CACNB2: variants seen among roughly 807,000 people sequenced by gnomAD.
The protein encoded by CACNB2 is voltage-dependent L-type calcium channel subunit beta-2.
Under a neutral mutation model 73.3 loss-of-function variants are expected in CACNB2, and 42 were observed. The observed-to-expected ratio is 0.57, with a 90% CI of 0.45 to 0.74. The LOEUF (loss-of-function observed/expected upper bound fraction) is 0.74, where lower values mean the gene tolerates loss of function less well. Among genes scored for constraint, CACNB2 ranks in the 30% least tolerant of loss-of-function variants. The pLI is 0.00. For synonymous variants in CACNB2, 348 were observed against 310.3 expected, an observed-to-expected ratio of 1.12 and a Z score of -1.28; for missense variants, 940 against 853.0, an observed-to-expected ratio of 1.10 and a Z score of -1.27.
At chr10:18,167,923 C>T (rs1216572127) in intron 2 of CACNB2, among the ~76,000 whole-genome samples, 2 of 152,134 alleles carry the variant, frequency 1.3e-5, no homozygotes, top group Non-Finnish European at 2.9e-5. Context: ...GTAAGTTCCC[C>T]GAGGTCACCC....
At chr10:18,156,383 A>G (rs1305039164) in intron 2 of CACNB2, among the ~76,000 whole-genome samples, 3 of 152,254 alleles carry the variant, frequency 2.0e-5, no homozygotes, top group African/African-American at 7.2e-5. Context: ...GGCCCTTGAC[A>G]TTATCAACTT....
intron 2 of CACNB2, among the ~76,000 whole-genome samples, chr10:18,384,113 A>G (rs1449479223): frequency 1.3e-5 from 2 of 152,176 alleles, no homozygotes; most frequent in Non-Finnish European, 1.5e-5. Context: ...TCAGGGCCAA[A>G]GAGGCACCGT....
intron 2 of CACNB2, among the ~76,000 whole-genome samples, chr10:18,253,396 A>C (rs1277874935): frequency 6.6e-6 from 1 of 152,188 alleles, no homozygotes; most frequent in Non-Finnish European, 1.5e-5. Flanking sequence ...TCTAAAATCT[A>C]TCAGGAGTAT....
At chr10:18,295,864 T>C (rs997405446) in intron 2 of CACNB2, among the ~76,000 whole-genome samples, 3 of 152,128 alleles carry the variant, frequency 2.0e-5, no homozygotes, top group Admixed American at 6.6e-5. Context: ...CGATGAGACA[T>C]TGACTCATTT....
chr10:18,397,509 C>G (rs144198018), intron 2 of CACNB2, among the ~76,000 whole-genome samples: 274 of 151,366 alleles, frequency 1.8e-3, no homozygotes, highest in African/African-American at 6.4e-3. Context: ...CTTGTGTGAA[C>G]GTTAGACATA....
At chr10:18,236,223 C>T (rs1182481698) in intron 2 of CACNB2, among the ~76,000 whole-genome samples, 2 of 152,142 alleles carry the variant, frequency 1.3e-5, no homozygotes, top group African/African-American at 4.8e-5. Flanking sequence ...GGACCCCACA[C>T]CTGGCTGATG....
intron 2 of CACNB2, among the ~76,000 whole-genome samples, chr10:18,356,529 A>T (rs1286354709): frequency 6.6e-6 from 1 of 152,150 alleles, no homozygotes; most frequent in East Asian, 1.9e-4. Context: ...ACATTGCACA[A>T]AGGAGCTTCT....
intron 2 of CACNB2, among the ~76,000 whole-genome samples, chr10:18,183,947 G>T (rs1421673999): frequency 1.3e-5 from 2 of 152,180 alleles, no homozygotes; most frequent in Middle Eastern, 3.2e-3. Context: ...GAGCTCCGTT[G>T]CTCCTCTGTG....
chr10:18,285,480 G>A (rs187541448), intron 2 of CACNB2, among the ~76,000 whole-genome samples: 1 of 152,308 alleles, frequency 6.6e-6, no homozygotes, highest in African/African-American at 2.4e-5. Flanking sequence ...CATCATGGAT[G>A]TCCAGCTAAG....
At chr10:18,227,426 C>T (rs1292315323) in intron 2 of CACNB2, among the ~76,000 whole-genome samples, 1 of 152,018 alleles carries the variant, frequency 6.6e-6, no homozygotes, top group Non-Finnish European at 1.5e-5. Flanking sequence ...AATACCCCAG[C>T]TCGGAATGAA....
At chr10:18,481,175 A>G (rs1428909132) in intron 3 of CACNB2, among the ~76,000 whole-genome samples, 1 of 125,096 alleles carries the variant, frequency 8.0e-6, no homozygotes, top group African/African-American at 3.0e-5. Context: ...ACCAAAACTG[A>G]TAATATTACA....
At chr10:18,167,311 T>G in intron 2 of CACNB2, among the ~76,000 whole-genome samples, 2 of 150,610 alleles carry the variant, frequency 1.3e-5, no homozygotes, top group East Asian at 1.9e-4. Flanking sequence ...GGGGGAAGGG[T>G]GAGAGGGGAG....
chr10:18,284,937 A>G (rs548445029), intron 2 of CACNB2, among the ~76,000 whole-genome samples: 1 of 152,276 alleles, frequency 6.6e-6, no homozygotes, highest in East Asian at 1.9e-4. Flanking sequence ...TCCCATTTTT[A>G]CTTATCCAAG....
chr10:18,319,568 A>G (rs911444888), intron 2 of CACNB2, among the ~76,000 whole-genome samples: 1 of 152,164 alleles, frequency 6.6e-6, no homozygotes, highest in Non-Finnish European at 1.5e-5. Context: ...TACCTATGTA[A>G]CAAACGTGTA....
chr10:18,495,591 G>GTATA (rs1554830747), intron 3 of CACNB2, among the ~76,000 whole-genome samples: 2 of 138,630 alleles, frequency 1.4e-5, no homozygotes, highest in Admixed American at 7.2e-5. Flanking sequence ...GTGTGTGTGT[G>GTATA]TATAAGAGAT....
At chr10:18,362,447 CTTG>C (rs1332967617) in intron 2 of CACNB2, among the ~76,000 whole-genome samples, 1 of 152,050 alleles carries the variant, frequency 6.6e-6, no homozygotes, top group African/African-American at 2.4e-5. Context: ...CTGTTTCCTC[CTTG>C]TTTTTTTCCC....
chr10:18,260,927 C>A, intron 2 of CACNB2: 27 of 1,164,468 alleles, frequency 2.3e-5, no homozygotes, highest in Non-Finnish European at 2.7e-5. Context: ...CCAAGAAACT[C>A]TGACGATCTG....
intron 2 of CACNB2, among the ~76,000 whole-genome samples, chr10:18,396,524 G>A (rs1047912903): frequency 3.3e-5 from 5 of 151,954 alleles, no homozygotes; most frequent in African/African-American, 7.2e-5. Context: ...AGGCTGGAGT[G>A]CAGTGGCACA....
intron 2 of CACNB2, among the ~76,000 whole-genome samples, chr10:18,313,658 TTAAA>T (rs1263532962): frequency 2.0e-5 from 3 of 152,174 alleles, no homozygotes; most frequent in Non-Finnish European, 2.9e-5. Flanking sequence ...AAAGCTTTAT[TTAAA>T]TAAATAATCA....
Sources: gnomAD v4.1 joint callset for allele counts (sites outside exome capture counted in the v4.1 genomes callset) on GRCh38, gnomAD v4.1.1 for gene constraint, MANE v1.5 for transcripts, NCBI Gene and HGNC (gene_info 2026-07-23, HGNC 2026-07-21) for gene names.